VDAC1: variants seen among roughly 807,000 people sequenced by gnomAD.
VDAC1 encodes non-selective voltage-gated ion channel VDAC1.
A neutral mutation model predicts 34.7 loss-of-function variants in VDAC1; 10 were observed. The ratio of observed to expected loss-of-function variants is 0.29; its 90% CI spans 0.18 to 0.49. The LOEUF (loss-of-function observed/expected upper bound fraction) is 0.49. Ranked by LOEUF, VDAC1 falls within the 20% of genes least tolerant of loss-of-function variation. The pLI is 0.99. For missense variants in VDAC1, 230 were observed against 347.9 expected (o/e 0.66, Z 2.69); for synonymous variants, 130 against 136.0 (o/e 0.96, Z 0.30).
the VDAC1 span, among the ~76,000 whole-genome samples, chr5:134,075,910 C>T: frequency 4.0e-5 from 6 of 151,826 alleles, no homozygotes; most frequent in East Asian, 1.9e-4. Context: ...ATACTATTCA[C>T]AATACTCTTC....
At chr5:134,054,442 C>T in the VDAC1 span, among the ~76,000 whole-genome samples, 2 of 142,582 alleles carry the variant, frequency 1.4e-5, no homozygotes, top group Non-Finnish European at 1.5e-5. Context: ...ATTTTCCTTT[C>T]TTTCTTCCTT....
the VDAC1 span, among the ~76,000 whole-genome samples, chr5:134,045,465 C>A: frequency 6.6e-6 from 1 of 152,162 alleles, no homozygotes. Flanking sequence ...ATTTCCTTGC[C>A]TTTTCTAGCT....
the VDAC1 span, among the ~76,000 whole-genome samples, chr5:134,033,902 G>A: frequency 6.6e-6 from 1 of 152,060 alleles, no homozygotes; most frequent in South Asian, 2.1e-4. Flanking sequence ...TGAGGCAGGA[G>A]AACGGCATGA....
At chr5:134,086,380 A>C in the VDAC1 span, among the ~76,000 whole-genome samples, 4 of 152,212 alleles carry the variant, frequency 2.6e-5, no homozygotes, top group Non-Finnish European at 5.9e-5. Context: ...AAAGGGAAGA[A>C]CTTAAACACA....
the VDAC1 span, among the ~76,000 whole-genome samples, chr5:134,107,375 G>A: frequency 6.6e-6 from 1 of 152,230 alleles, no homozygotes; most frequent in Non-Finnish European, 1.5e-5. Context: ...AGCTCTGACT[G>A]CTAGACGTGC....
the VDAC1 span, among the ~76,000 whole-genome samples, chr5:134,100,455 G>A: frequency 4.6e-4 from 70 of 152,148 alleles, no homozygotes; most frequent in Non-Finnish European, 9.0e-4. Flanking sequence ...TCCCACAACC[G>A]CGGCACCCCG....
chr5:134,110,745 C>G, the VDAC1 span, among the ~76,000 whole-genome samples: 1 of 152,210 alleles, frequency 6.6e-6, no homozygotes, highest in Non-Finnish European at 1.5e-5. Flanking sequence ...TTTACTAAAT[C>G]CATCTGGGGC....
chr5:134,109,763 T>C, the VDAC1 span, among the ~76,000 whole-genome samples: 1 of 77,280 alleles, frequency 1.3e-5, no homozygotes, highest in African/African-American at 6.6e-5. Context: ...AAAGCAAGGC[T>C]CCATCTCAAA....
chr5:134,077,526 CA>C, the VDAC1 span, among the ~76,000 whole-genome samples: 1 of 152,202 alleles, frequency 6.6e-6, no homozygotes, highest in African/African-American at 2.4e-5. Context: ...CTGACCTTCC[CA>C]AACTGTGACT....
chr5:134,064,884 A>AT, the VDAC1 span, among the ~76,000 whole-genome samples: 11 of 151,156 alleles, frequency 7.3e-5, no homozygotes, highest in Non-Finnish European at 1.3e-4. Context: ...ATGCCCAGCT[A>AT]TTTTTTTGTA....
the VDAC1 span, among the ~76,000 whole-genome samples, chr5:134,059,174 G>C: frequency 2.6e-5 from 4 of 152,172 alleles, no homozygotes; most frequent in African/African-American, 9.7e-5. Flanking sequence ...TCCAGGCTGA[G>C]GGCTGTAAGG....
chr5:134,088,310 G>A, the VDAC1 span, among the ~76,000 whole-genome samples: 1 of 152,246 alleles, frequency 6.6e-6, no homozygotes, highest in African/African-American at 2.4e-5. Flanking sequence ...TAGGCACAGG[G>A]TGGGCCAGGT....
At chr5:134,038,839 A>C in the VDAC1 span, among the ~76,000 whole-genome samples, 1 of 151,456 alleles carries the variant, frequency 6.6e-6, no homozygotes, top group East Asian at 1.9e-4. Flanking sequence ...AGGTAAGCCA[A>C]GGTGTGTTTA....
At chr5:134,027,420 G>A in the VDAC1 span, among the ~76,000 whole-genome samples, 1 of 152,178 alleles carries the variant, frequency 6.6e-6, no homozygotes, top group African/African-American at 2.4e-5. Context: ...GAACATGGGG[G>A]ACAAGAGAGC....
At chr5:134,092,881 T>A in the VDAC1 span, among the ~76,000 whole-genome samples, 1 of 152,220 alleles carries the variant, frequency 6.6e-6, no homozygotes, top group African/African-American at 2.4e-5. Context: ...CCCTCTCCAT[T>A]GCAACCCTTG....
the VDAC1 span, among the ~76,000 whole-genome samples, chr5:134,075,202 A>C: frequency 6.6e-6 from 1 of 152,218 alleles, no homozygotes; most frequent in African/African-American, 2.4e-5. Flanking sequence ...CACAGTTCAC[A>C]CTACCATTCA....
intron 5 of VDAC1, among the ~76,000 whole-genome samples, chr5:133,981,456 G>A (rs867003437): frequency 3.3e-5 from 5 of 152,186 alleles, no homozygotes; most frequent in Admixed American, 6.5e-5. Context: ...CCCTCTAAGT[G>A]AGTACAACAG....
the VDAC1 span, among the ~76,000 whole-genome samples, chr5:134,085,369 G>A: frequency 2.6e-5 from 4 of 151,776 alleles, no homozygotes; most frequent in Non-Finnish European, 5.9e-5. Context: ...CGTGTGGCCC[G>A]AGATGATCCC....
the VDAC1 span, among the ~76,000 whole-genome samples, chr5:134,040,365 A>G: frequency 3.3e-5 from 5 of 152,302 alleles, no homozygotes; most frequent in South Asian, 6.2e-4. Flanking sequence ...TCACGAGGTC[A>G]GGAGTTCGAA....
Sources: allele counts gnomAD v4.1 joint callset (sites outside exome capture counted in the v4.1 genomes callset), GRCh38; gene constraint gnomAD v4.1.1; transcripts MANE v1.5; gene names NCBI Gene and HGNC (gene_info 2026-07-23, HGNC 2026-07-21).